The following LOC128706665 variants were observed in gnomAD, a reference collection of about 807,000 sequenced individuals.
chr20:10,430,320 T>G, the LOC128706665 span, among the ~76,000 whole-genome samples: 72,839 of 152,040 alleles, frequency 0.48, 18,320 homozygotes, highest in Non-Finnish European at 0.56. Context: ...GGCCTTGGAT[T>G]AGTCACTTAA....
At chr20:10,423,625 G>C in the LOC128706665 span, among the ~76,000 whole-genome samples, 2 of 152,180 alleles carry the variant, frequency 1.3e-5, no homozygotes, top group Non-Finnish European at 2.9e-5. Context: ...TTTGAGAAGA[G>C]TGAAAATTAT....
the LOC128706665 span, among the ~76,000 whole-genome samples, chr20:10,428,259 T>C: frequency 6.6e-6 from 1 of 152,214 alleles, no homozygotes; most frequent in East Asian, 1.9e-4. Context: ...CATTTGATGC[T>C]GGTGATTGGT....
chr20:10,426,527 G>T, the LOC128706665 span, among the ~76,000 whole-genome samples: 1 of 152,142 alleles, frequency 6.6e-6, no homozygotes. Context: ...AGCCTCCCAG[G>T]TAGCTGAGAT....
the LOC128706665 span, among the ~76,000 whole-genome samples, chr20:10,415,754 A>G: frequency 2.0e-5 from 3 of 152,376 alleles, no homozygotes; most frequent in Non-Finnish European, 4.4e-5. Context: ...AACATTTTCA[A>G]TACTTAATAG....
the LOC128706665 span, among the ~76,000 whole-genome samples, chr20:10,423,527 A>C: frequency 3.9e-5 from 6 of 152,332 alleles, no homozygotes; most frequent in African/African-American, 1.4e-4. Flanking sequence ...ATTAAATGAC[A>C]ATCTGTAACA....
At chr20:10,433,066 T>C in the LOC128706665 span, among the ~76,000 whole-genome samples, 2 of 152,218 alleles carry the variant, frequency 1.3e-5, no homozygotes, top group Non-Finnish European at 2.9e-5. Flanking sequence ...TGCAGTGGCG[T>C]GATCTCCGCT....
the LOC128706665 span, among the ~76,000 whole-genome samples, chr20:10,425,147 T>C: frequency 6.6e-6 from 1 of 152,038 alleles, no homozygotes; most frequent in South Asian, 2.1e-4. Context: ...TTAGCAAATA[T>C]AGAAACAAGG....
At chr20:10,422,242 G>C in the LOC128706665 span, among the ~76,000 whole-genome samples, 276 of 152,080 alleles carry the variant, frequency 1.8e-3, no homozygotes, top group African/African-American at 6.2e-3. Context: ...TTAATTACTA[G>C]ATAGAGGAAA....
the LOC128706665 span, among the ~76,000 whole-genome samples, chr20:10,419,265 G>A: frequency 1.3e-5 from 2 of 151,936 alleles, no homozygotes; most frequent in Non-Finnish European, 2.9e-5. Context: ...CAATTACAGG[G>A]TCACAGTTCT....
At chr20:10,427,203 T>C in the LOC128706665 span, among the ~76,000 whole-genome samples, 1 of 152,186 alleles carries the variant, frequency 6.6e-6, no homozygotes, top group African/African-American at 2.4e-5. Context: ...TTTTAATTGC[T>C]TCCTGCAAAA....
the LOC128706665 span, among the ~76,000 whole-genome samples, chr20:10,426,304 T>G: frequency 6.6e-6 from 1 of 152,242 alleles, no homozygotes. Context: ...TCTATCAGGA[T>G]TTCCAGTGTG....
chr20:10,424,818 G>A, the LOC128706665 span, among the ~76,000 whole-genome samples: 5 of 152,148 alleles, frequency 3.3e-5, no homozygotes, highest in Admixed American at 6.5e-5. Flanking sequence ...TTGGGAGGCC[G>A]AGGCAGGTGG....
At chr20:10,423,467 T>C in the LOC128706665 span, among the ~76,000 whole-genome samples, 2 of 152,066 alleles carry the variant, frequency 1.3e-5, no homozygotes, top group Non-Finnish European at 2.9e-5. Flanking sequence ...GATAAAAGGA[T>C]GTAATAATAA....
the LOC128706665 span, among the ~76,000 whole-genome samples, chr20:10,415,760 AAT>A: frequency 6.6e-6 from 1 of 152,246 alleles, no homozygotes; most frequent in Non-Finnish European, 1.5e-5. Flanking sequence ...TTCAATACTT[AAT>A]AGTGTCATGT....
the LOC128706665 span, among the ~76,000 whole-genome samples, chr20:10,416,807 A>G: frequency 2.1e-4 from 32 of 152,300 alleles, no homozygotes; most frequent in African/African-American, 7.5e-4. Flanking sequence ...CCTATGGACC[A>G]TATCCAGACT....
chr20:10,432,058 C>T, the LOC128706665 span: 2 of 152,358 alleles, frequency 1.3e-5, no homozygotes, highest in Non-Finnish European at 2.9e-5. Context: ...CTGAGACAGA[C>T]CTCGGCTGCC....
At chr20:10,416,102 A>C in the LOC128706665 span, among the ~76,000 whole-genome samples, 4 of 152,208 alleles carry the variant, frequency 2.6e-5, no homozygotes, top group Non-Finnish European at 5.9e-5. Context: ...AAGAGTTACC[A>C]TTAGACGAAT....
At chr20:10,422,255 C>T in the LOC128706665 span, among the ~76,000 whole-genome samples, 8 of 152,172 alleles carry the variant, frequency 5.3e-5, no homozygotes, top group South Asian at 1.2e-3. Context: ...AGAGGAAACA[C>T]GACCTGCTTT....
the LOC128706665 span, among the ~76,000 whole-genome samples, chr20:10,432,162 A>G: frequency 1.3e-5 from 2 of 152,228 alleles, no homozygotes; most frequent in Non-Finnish European, 2.9e-5. Flanking sequence ...CAAGGGGTAT[A>G]AAAGCCTGGC....
Sources: allele counts gnomAD v4.1 joint callset (sites outside exome capture counted in the v4.1 genomes callset), GRCh38; gene constraint gnomAD v4.1.1; transcripts MANE v1.5.